The following MARCHF11 variants were observed in gnomAD, a reference collection of about 807,000 sequenced individuals.
The protein encoded by MARCHF11 is membrane associated ring-CH-type finger 11.
MARCHF11 carries 29 observed loss-of-function variants against 37.3 expected under a neutral mutation model. The observed-to-expected ratio is 0.78, with a 90% confidence interval of 0.58 to 1.06. The LOEUF (loss-of-function observed/expected upper bound fraction) is 1.06. MARCHF11 is among the 50% of genes least tolerant of loss of function. The pLI is 0.00. For synonymous variants in MARCHF11, 233 were observed against 228.0 expected (o/e 1.02, Z -0.20); for missense variants, 482 against 533.4 (o/e 0.90, Z 0.95).
intron 2 of MARCHF11, among the ~76,000 whole-genome samples, chr5:16,153,145 GAGA>G (rs1311787526): frequency 3.3e-5 from 5 of 152,090 alleles, no homozygotes; most frequent in Admixed American, 2.0e-4. Flanking sequence ...TTCCAAGAGG[GAGA>G]AGATTACAGA....
intron 2 of MARCHF11, among the ~76,000 whole-genome samples, chr5:16,117,584 T>C (rs1737242906): frequency 6.6e-6 from 1 of 152,194 alleles, no homozygotes; most frequent in East Asian, 1.9e-4. Flanking sequence ...AGTTGGTGAC[T>C]GCTTTATTTA....
chr5:16,177,928 T>C (rs771230405), intron 1 of MARCHF11, 47 bp from the exon 2 acceptor site: 6 of 1,525,340 alleles, frequency 3.9e-6, no homozygotes, highest in Non-Finnish European at 4.4e-6. Flanking sequence ...TGTGTCTCTA[T>C]TTTAAAAACC....
chr5:16,074,879 C>A (rs570569296), intron 3 of MARCHF11, among the ~76,000 whole-genome samples: 1 of 152,294 alleles, frequency 6.6e-6, no homozygotes, highest in Non-Finnish European at 1.5e-5. Context: ...CAGGAGCACA[C>A]ACAAGAAAAT....
intron 2 of MARCHF11, chr5:16,129,185 A>G (rs1040481017): frequency 6.6e-6 from 1 of 152,196 alleles, no homozygotes; most frequent in Non-Finnish European, 1.5e-5. Context: ...TGAAACTGAC[A>G]TAAGCTGACA....
chr5:16,142,889 T>G (rs1368149876), intron 2 of MARCHF11, among the ~76,000 whole-genome samples: 2 of 123,956 alleles, frequency 1.6e-5, no homozygotes, highest in African/African-American at 3.1e-5. Context: ...CCTGGCTTTT[T>G]TTTTTTTTTT....
At chr5:16,083,875 A>G (rs1160088036) in intron 3 of MARCHF11, among the ~76,000 whole-genome samples, 2 of 152,240 alleles carry the variant, frequency 1.3e-5, no homozygotes, top group African/African-American at 4.8e-5. Context: ...GATGACCTAA[A>G]GGCATCATTT....
chr5:16,084,465 A>G (rs1736660746), intron 3 of MARCHF11, among the ~76,000 whole-genome samples: 1 of 152,160 alleles, frequency 6.6e-6, no homozygotes, highest in Non-Finnish European at 1.5e-5. Context: ...CAACATGGTG[A>G]AACCCCGTCT....
At chr5:16,142,596 C>T (rs1220274924) in intron 2 of MARCHF11, among the ~76,000 whole-genome samples, 1 of 151,942 alleles carries the variant, frequency 6.6e-6, no homozygotes, top group African/African-American at 2.4e-5. Flanking sequence ...AACTAGGGGA[C>T]TCGCACATTT....
chr5:16,079,294 T>C (rs1736568856), intron 3 of MARCHF11, among the ~76,000 whole-genome samples: 1 of 152,198 alleles, frequency 6.6e-6, no homozygotes, highest in South Asian at 2.1e-4. Flanking sequence ...TTAATCTCAA[T>C]GCACCCACTT....
At chr5:16,148,104 A>T (rs79657228) in intron 2 of MARCHF11, among the ~76,000 whole-genome samples, 4,929 of 152,162 alleles carry the variant, frequency 0.032, 287 homozygotes, top group African/African-American at 0.11. Context: ...GGAAATTTTT[A>T]AAAAATTTAA....
chr5:16,092,693 T>C (rs962841315), intron 2 of MARCHF11, among the ~76,000 whole-genome samples: 1 of 152,132 alleles, frequency 6.6e-6, no homozygotes, highest in East Asian at 1.9e-4. Context: ...TGTATACCTA[T>C]GTAACAATCC....
chr5:16,093,867 T>C (rs1306870527), intron 2 of MARCHF11, among the ~76,000 whole-genome samples: 3 of 152,198 alleles, frequency 2.0e-5, no homozygotes, highest in Non-Finnish European at 4.4e-5. Flanking sequence ...TTTGGGATTT[T>C]TGAAGATTAT....
chr5:16,152,308 A>T (rs1272571143), intron 2 of MARCHF11, among the ~76,000 whole-genome samples: 1 of 151,974 alleles, frequency 6.6e-6, no homozygotes, highest in African/African-American at 2.4e-5. Flanking sequence ...GATTTGTTCC[A>T]AGTTTCTGGG....
At chr5:16,133,880 C>T (rs1737563229) in intron 2 of MARCHF11, among the ~76,000 whole-genome samples, 1 of 152,018 alleles carries the variant, frequency 6.6e-6, no homozygotes, top group African/African-American at 2.4e-5. Context: ...CTCTGGGCTG[C>T]TTGTGGCCCG....
chr5:16,096,369 A>G (rs1393176522), intron 2 of MARCHF11, among the ~76,000 whole-genome samples: 1 of 152,226 alleles, frequency 6.6e-6, no homozygotes, highest in Admixed American at 6.5e-5. Context: ...TTTAATTTTA[A>G]TGAAATTTTG....
At position 16,178,932 on chromosome 5, in the gene MARCHF11, A is replaced by G. The variant is rs1379086195; in HGVS notation, c.537+107T>C. On this transcript the variant is annotated intron_variant, in intron 1 of 3. Transcript: ENST00000332432. ...CACAGGGCAGAACCAGACGAGCCTCACTGGAGGCAAACTGGGAGGTAGGCG... is the reference window on the plus strand; with the variant it reads ...CACAGGGCAGAACCAGACGAGCCTCGCTGGAGGCAAACTGGGAGGTAGGCG... 22 of 1,283,302 alleles carry G rather than the reference A, an allele frequency of 1.7e-5. No homozygotes were observed. In the Admixed American group the frequency reaches 2.4e-4, roughly 14 times the overall value. 79.5% of individuals were successfully genotyped at this position (1,283,302 alleles called of 1,614,324 possible).
At chr5:16,093,935 G>A (rs540919838) in intron 2 of MARCHF11, among the ~76,000 whole-genome samples, 241 of 151,718 alleles carry the variant, frequency 1.6e-3, no homozygotes, top group African/African-American at 5.2e-3. Flanking sequence ...AATTTTTTTT[G>A]GTTTTATATC....
At chr5:16,123,343 G>A (rs566206209) in intron 2 of MARCHF11, among the ~76,000 whole-genome samples, 5 of 152,174 alleles carry the variant, frequency 3.3e-5, no homozygotes, top group Middle Eastern at 6.8e-3. Context: ...GGAAGACCTC[G>A]TGAAAACCCA....
chr5:16,098,515 C>T (rs1185817268), intron 2 of MARCHF11, among the ~76,000 whole-genome samples: 2 of 151,962 alleles, frequency 1.3e-5, no homozygotes, highest in Non-Finnish European at 2.9e-5. Flanking sequence ...ACCTGTAATC[C>T]CAGCACTTTG....
Sources: allele counts gnomAD v4.1 joint callset (sites outside exome capture counted in the v4.1 genomes callset), GRCh38; gene constraint gnomAD v4.1.1; transcripts MANE v1.5; gene names NCBI Gene and HGNC (gene_info 2026-07-23, HGNC 2026-07-21).